The following PRDM1 variants were observed in gnomAD, a reference collection of about 807,000 sequenced individuals.
The protein encoded by PRDM1 is PR/SET domain 1.
PRDM1 carries 13 observed loss-of-function variants against 62.8 expected under a neutral mutation model. The observed-to-expected ratio is 0.21, with a 90% CI of 0.13 to 0.33. The LOEUF (loss-of-function observed/expected upper bound fraction) is 0.33, where lower values mean the gene tolerates loss of function less well. PRDM1 is among the 10% of genes least tolerant of loss of function. The pLI is 1.00. For synonymous variants in PRDM1, 396 were observed against 417.6 expected, an observed-to-expected ratio of 0.95 and a Z score of 0.63; for missense variants, 895 against 1,058.8, an observed-to-expected ratio of 0.85 and a Z score of 2.15.
intron 1 of PRDM1, among the ~76,000 whole-genome samples, chr6:106,070,954 T>C (rs1160016088): frequency 1.3e-5 from 2 of 152,196 alleles, no homozygotes; most frequent in Non-Finnish European, 2.9e-5. Flanking sequence ...TGTAATGACA[T>C]GTTTGAACCA....
intron 1 of PRDM1, among the ~76,000 whole-genome samples, chr6:105,997,831 T>C (rs1772366312): frequency 6.6e-6 from 1 of 152,234 alleles, no homozygotes; most frequent in Non-Finnish European, 1.5e-5. Context: ...GGATGAGAGC[T>C]TCTAGATTAT....
intron 1 of PRDM1, among the ~76,000 whole-genome samples, chr6:106,027,921 G>C (rs1413331472): frequency 6.6e-6 from 1 of 152,116 alleles, no homozygotes; most frequent in East Asian, 1.9e-4. Context: ...TGATCCCCTG[G>C]AGTGGGTTTG....
At chr6:106,079,389 T>G (rs575438495) in intron 1 of PRDM1, among the ~76,000 whole-genome samples, 34 of 152,370 alleles carry the variant, frequency 2.2e-4, no homozygotes, top group African/African-American at 8.2e-4. Context: ...AGACCTGGGT[T>G]GTTTCATCTA....
At chr6:106,040,588 G>A (rs1378686927) in intron 1 of PRDM1, among the ~76,000 whole-genome samples, 1 of 152,194 alleles carries the variant, frequency 6.6e-6, no homozygotes, top group Non-Finnish European at 1.5e-5. Flanking sequence ...GTTCAAACCT[G>A]TATCCTGTGG....
intron 1 of PRDM1, among the ~76,000 whole-genome samples, chr6:105,999,472 TTTG>T (rs758508989): frequency 3.3e-5 from 5 of 152,242 alleles, no homozygotes; most frequent in African/African-American, 1.2e-4. Context: ...TTTTGCTTTT[TTTG>T]TTGTTGTTGT....
chr6:106,004,105 G>C (rs1772458237), intron 1 of PRDM1, among the ~76,000 whole-genome samples: 2 of 152,132 alleles, frequency 1.3e-5, no homozygotes, highest in Admixed American at 1.3e-4. Context: ...CAGATCAAAG[G>C]TTCCCAGGGG....
At chr6:106,094,098 T>C (rs1774026708) in intron 2 of PRDM1, among the ~76,000 whole-genome samples, 1 of 152,222 alleles carries the variant, frequency 6.6e-6, no homozygotes, top group African/African-American at 2.4e-5. Context: ...AACTGGTGTA[T>C]ATTGTAACCA....
chr6:106,030,296 G>A (rs1772824227), intron 1 of PRDM1, among the ~76,000 whole-genome samples: 1 of 152,058 alleles, frequency 6.6e-6, no homozygotes, highest in South Asian at 2.1e-4. Flanking sequence ...GACCTCCAGA[G>A]TAGTTATGAC....
upstream of PRDM1, among the ~76,000 whole-genome samples, chr6:105,992,719 A>C (rs911806354): frequency 2.0e-5 from 3 of 152,108 alleles, no homozygotes; most frequent in South Asian, 2.1e-4. Flanking sequence ...TACCACCTAA[A>C]CGCCATGTGG....
intron 1 of PRDM1, among the ~76,000 whole-genome samples, chr6:106,006,978 TC>T (rs1772491238): frequency 6.6e-6 from 1 of 151,978 alleles, no homozygotes; most frequent in Non-Finnish European, 1.5e-5. Flanking sequence ...GCACTCAAAG[TC>T]ATGCTTATTA....
chr6:106,083,691 A>T (rs1312187386), upstream of PRDM1, among the ~76,000 whole-genome samples: 1 of 152,240 alleles, frequency 6.6e-6, no homozygotes, highest in Non-Finnish European at 1.5e-5. Context: ...AACACTTTTA[A>T]TGTGAGAGCT....
At position 106,086,464 on chromosome 6, in the gene PRDM1, G is replaced by A; in HGVS notation, c.-90G>A. 1 of 1,336,378 alleles carries A rather than the reference G, an allele frequency of 7.5e-7. No homozygotes were observed. Among genetic ancestry groups the A allele is most frequent in the Non-Finnish European group, 1.0e-6 (1 of 965,950 alleles). 82.8% of individuals were successfully genotyped at this position (1,336,378 alleles called of 1,614,324 possible). Reference sequence around the variant, plus strand: ...CGGGCGGCCGGACGAAGCGAGGAGGGACCGCCGAGGTGCGCGTCTGTGCGG... The same window carrying A: ...CGGGCGGCCGGACGAAGCGAGGAGGAACCGCCGAGGTGCGCGTCTGTGCGG... On this transcript the variant is annotated 5_prime_UTR_variant, in exon 1 of 7. Transcript: ENST00000369096.
At chr6:106,041,898 C>T (rs922479832) in intron 1 of PRDM1, among the ~76,000 whole-genome samples, 1 of 150,678 alleles carries the variant, frequency 6.6e-6, no homozygotes, top group Non-Finnish European at 1.5e-5. Flanking sequence ...TCCTCCACCT[C>T]CTGGGCTCAA....
chr6:106,104,753 G>A (rs975216971), intron 4 of PRDM1, 72 bp from the exon 5 acceptor site: 39 of 1,498,078 alleles, frequency 2.6e-5, no homozygotes, highest in Admixed American at 1.1e-4. Context: ...TCAAGAAGGA[G>A]GAGCAACTTT....
intron 3 of PRDM1, chr6:106,098,886 G>C (rs1774186383): frequency 3.3e-6 from 5 of 1,512,492 alleles, no homozygotes; most frequent in African/African-American, 1.4e-5. Flanking sequence ...AGCCGGCTTG[G>C]TCTTCTACCC....
intron 1 of PRDM1, among the ~76,000 whole-genome samples, chr6:106,031,651 C>T (rs970125642): frequency 6.6e-6 from 1 of 152,160 alleles, no homozygotes; most frequent in Non-Finnish European, 1.5e-5. Context: ...GGAATGAATG[C>T]CAGGCAATGG....
chr6:106,003,571 G>T (rs1457530582), intron 1 of PRDM1, among the ~76,000 whole-genome samples: 1 of 152,110 alleles, frequency 6.6e-6, no homozygotes, highest in East Asian at 1.9e-4. Context: ...ACATACTTCT[G>T]GCCCTTGTCT....
chr6:106,078,553 A>T (rs898823420), intron 1 of PRDM1, among the ~76,000 whole-genome samples: 2 of 152,210 alleles, frequency 1.3e-5, no homozygotes, highest in African/African-American at 4.8e-5. Context: ...ATTCATTTAT[A>T]TTCATGCAAA....
At chr6:106,021,885 G>T (rs1772700919) in intron 1 of PRDM1, among the ~76,000 whole-genome samples, 1 of 152,222 alleles carries the variant, frequency 6.6e-6, no homozygotes, top group Non-Finnish European at 1.5e-5. Context: ...CTCCCAAAGT[G>T]CTGGGATTAC....
Sources: gnomAD v4.1 joint callset for allele counts (sites outside exome capture counted in the v4.1 genomes callset) on GRCh38, gnomAD v4.1.1 for gene constraint, MANE v1.5 for transcripts, NCBI Gene and HGNC (gene_info 2026-07-23, HGNC 2026-07-21) for gene names.